Variants in PCDHGB4 observed in about 807,000 individuals in gnomAD.
PCDHGB4 encodes the protein protocadherin gamma subfamily B, 4.
Under a neutral mutation model 60.5 loss-of-function variants are expected in PCDHGB4, and 38 were observed. The observed-to-expected ratio is 0.63, with a 90% CI of 0.48 to 0.82. PCDHGB4 has a LOEUF of 0.82. Among genes scored for constraint, PCDHGB4 ranks in the 40% least tolerant of loss-of-function variants. PCDHGB4 has a pLI of 0.00. For synonymous variants in PCDHGB4, 456 were observed against 509.7 expected (o/e 0.89, Z 1.42); for missense variants, 1,109 against 1,209.6 (o/e 0.92, Z 1.23).
At chr5:141,465,457 C>G (rs956070103) in intron 1 of PCDHGB4, among the ~76,000 whole-genome samples, 1 of 152,214 alleles carries the variant, frequency 6.6e-6, no homozygotes, top group Non-Finnish European at 1.5e-5. Context: ...AAAACTCTCA[C>G]CAAATTGCCC....
chr5:141,490,317 C>A lies in PCDHGB4; in HGVS notation c.2398-4490C>A, dbSNP rs2233604. ...TATTGGCCTCTTTGGCCAACCCTGT[C>A]CTAGAGAGCACACCAGTGGGCACAG... On this transcript the variant is annotated intron_variant, in intron 1 of 3. Coordinates refer to ENST00000519479, the MANE Select transcript of PCDHGB4 (RefSeq NM_003736.4). The surrounding 1 kb of genome is among the most constrained non-coding windows in gnomAD (Gnocchi z 5.4). 32,069 of 1,614,158 alleles carry A rather than the reference C, an allele frequency of 0.02. 521 individuals carry two copies. Among genetic ancestry groups the A allele is most frequent in the African/African-American group, 0.081 (6,098 of 75,022 alleles).
At position 141,450,007 on chromosome 5, in the gene PCDHGB4, T is replaced by TA. The variant is rs57702245; in HGVS notation, c.2398-44800_2398-44799insA. Among the ~76,000 whole-genome samples the TA allele has an allele frequency of 5.9e-4, 19 of 31,956 alleles. No homozygotes were observed. In the African/African-American group the frequency reaches 7.8e-3, roughly 13 times the overall value. 21.0% of individuals were successfully genotyped at this position (31,956 alleles called of 152,430 possible). A position where few individuals can be genotyped will look rare whatever the true frequency, so the allele number is the denominator to read the frequency against. On this transcript the variant is annotated intron_variant, in intron 1 of 3. Coordinates refer to ENST00000519479, the MANE Select transcript of PCDHGB4 (RefSeq NM_003736.4). Reference sequence around the variant, plus strand: ...ACATTGCATTTAGTTGCCATGTCTCTTTTTTTTTTTTTTTTTTGAGACAGG... The same window carrying TA: ...ACATTGCATTTAGTTGCCATGTCTCTATTTTTTTTTTTTTTTTTGAGACAGG...
intron 1 of PCDHGB4, chr5:141,421,478 G>C: frequency 6.2e-7 from 1 of 1,614,130 alleles, no homozygotes. Context: ...CGAAGCGGCA[G>C]CTTGATCACG....
chr5:141,407,505 T>TTTTTTTTTTTTTTTTTGAGACGG (rs1460306566), intron 1 of PCDHGB4, among the ~76,000 whole-genome samples: 2 of 152,146 alleles, frequency 1.3e-5, no homozygotes, highest in African/African-American at 4.8e-5. Flanking sequence ...CTGTTTTTCT[T>TTTTTTTTTTTTTTTTTGAGACGG]AGGCTATGTA....
chr5:141,411,515 T>A (rs1381474249), intron 1 of PCDHGB4: 1 of 151,910 alleles, frequency 6.6e-6, no homozygotes, highest in East Asian at 1.9e-4. Flanking sequence ...TCCTGGGAGG[T>A]CAAGGTTGCA....
chr5:141,410,689 C>T, intron 1 of PCDHGB4: 2 of 1,514,926 alleles, frequency 1.3e-6, no homozygotes, highest in Non-Finnish European at 1.8e-6. Flanking sequence ...AGGCATACTA[C>T]TTTATTTTCA....
chr5:141,423,552 C>A, intron 1 of PCDHGB4: 2 of 1,613,720 alleles, frequency 1.2e-6, no homozygotes, highest in Non-Finnish European at 1.7e-6. Context: ...CCCAGCCCAA[C>A]TATGGGGACA....
intron 1 of PCDHGB4, chr5:141,392,664 C>CT (rs530587453): frequency 1.2e-6 from 1 of 817,260 alleles, no homozygotes; most frequent in South Asian, 2.1e-5. Flanking sequence ...ATGCCACAAA[C>CT]TAACTGCTGG....
rs1224515106 is a variant in PCDHGB4 at position 141,491,453 on chromosome 5, C to T, written c.2398-3354C>T. On this transcript the variant is annotated intron_variant, in intron 1 of 3. Transcript: ENST00000519479. The surrounding 1 kb of genome is among the most constrained non-coding windows in gnomAD (Gnocchi z 6.9). ...TGCTGCAGGCGCCAGGACTCACCCT[C>T]CCCGGACTTCTATAAGCAGTCCAGC... The T allele has an allele frequency of 6.2e-6, 10 of 1,614,120 alleles. No homozygotes were observed. The highest frequency in any genetic ancestry group is 8.5e-6 in the Non-Finnish European group (10 of 1,180,028).
chr5:141,456,576 A>C (rs1383992335), intron 1 of PCDHGB4, among the ~76,000 whole-genome samples: 2 of 152,188 alleles, frequency 1.3e-5, no homozygotes, highest in African/African-American at 4.8e-5. Context: ...ATTTTCCCTG[A>C]GCCTGTCAAT....
At chr5:141,421,977 G>A in intron 1 of PCDHGB4, 1 of 1,609,542 alleles carries the variant, frequency 6.2e-7, no homozygotes, top group Admixed American at 1.7e-5. Context: ...TATATCGCGT[G>A]AGTGTTCCAG....
chr5:141,401,641 A>C (rs557366973), intron 1 of PCDHGB4, among the ~76,000 whole-genome samples: 1 of 152,374 alleles, frequency 6.6e-6, no homozygotes, highest in African/African-American at 2.4e-5. Context: ...GGAGCTTTAA[A>C]TATAAATGAC....
intron 1 of PCDHGB4, chr5:141,398,388 C>G: frequency 6.9e-7 from 1 of 1,454,974 alleles, no homozygotes; most frequent in African/African-American, 1.4e-5. Flanking sequence ...TGCTTGTGAG[C>G]AGCAGGCTAG....
At chr5:141,452,046 T>C (rs767493861) in intron 1 of PCDHGB4, among the ~76,000 whole-genome samples, 1 of 152,242 alleles carries the variant, frequency 6.6e-6, no homozygotes, top group Non-Finnish European at 1.5e-5. Context: ...TAACTCCATT[T>C]GTAATAACTT....
intron 1 of PCDHGB4, among the ~76,000 whole-genome samples, chr5:141,460,369 T>C (rs1048970945): frequency 2.1e-4 from 32 of 152,322 alleles, no homozygotes; most frequent in African/African-American, 7.7e-4. Flanking sequence ...AGTTTTATAG[T>C]TTTACCATTT....
intron 1 of PCDHGB4, chr5:141,393,481 C>A (rs368525192): frequency 6.2e-7 from 1 of 1,614,066 alleles, no homozygotes; most frequent in Non-Finnish European, 8.5e-7. Flanking sequence ...CCGCCTCGCT[C>A]TAGCACAGTG....
In PCDHGB4 at chr5:141,486,397, G is replaced by T; in HGVS notation, c.2398-8410G>T. 6.2e-7 allele frequency: 1 copy of T among 1,614,164 alleles called. No individual in the cohort carries two copies. Among genetic ancestry groups the T allele is most frequent in the East Asian group, 2.2e-5 (1 of 44,872 alleles). On this transcript the variant is annotated intron_variant, in intron 1 of 3. Coordinates refer to ENST00000519479, the MANE Select transcript of PCDHGB4 (RefSeq NM_003736.4). The surrounding 1 kb of genome is among the most constrained non-coding windows in gnomAD (Gnocchi z 5.0). ...CCTTCAGGAACCAGTTCTCCCTGGTGACTGCTGGACCCTTGGATCGAGAGG... is the reference window on the plus strand; with the variant it reads ...CCTTCAGGAACCAGTTCTCCCTGGTTACTGCTGGACCCTTGGATCGAGAGG...
chr5:141,407,919 C>A, intron 1 of PCDHGB4: 1 of 472,082 alleles, frequency 2.1e-6, no homozygotes, highest in Non-Finnish European at 3.7e-6. Flanking sequence ...GGCTGCTGTC[C>A]CGCACGGAGC....
chr5:141,401,096 C>A (rs1193628525), intron 1 of PCDHGB4, among the ~76,000 whole-genome samples: 1 of 152,160 alleles, frequency 6.6e-6, no homozygotes, highest in Non-Finnish European at 1.5e-5. Context: ...GTAATCCCAG[C>A]ACTTTGGGAG....
Sources: gnomAD v4.1 joint callset for allele counts (sites outside exome capture counted in the v4.1 genomes callset) on GRCh38, gnomAD v4.1.1 for gene constraint, Gnocchi (gnomAD v3.1) non-coding constraint, MANE v1.5 for transcripts, NCBI Gene and HGNC (gene_info 2026-07-23, HGNC 2026-07-21) for gene names.